Variants in GRIK1 observed in about 807,000 individuals in gnomAD.
GRIK1 encodes glutamate ionotropic receptor kainate type subunit 1, also known as glutamate receptor ionotropic, kainate 1.
Under a neutral mutation model 105.7 loss-of-function variants are expected in GRIK1, and 69 were observed. That is an observed-to-expected ratio of 0.65 (90% CI 0.54 to 0.80). The LOEUF is 0.80. Ranked by LOEUF, GRIK1 falls within the 30% of genes least tolerant of loss-of-function variation. GRIK1 has a pLI of 0.00. For synonymous variants in GRIK1, 438 were observed against 431.3 expected, an observed-to-expected ratio of 1.02 and a Z score of -0.19; for missense variants, 1,109 against 1,167.3, an observed-to-expected ratio of 0.95 and a Z score of 0.73.
intron 1 of GRIK1, among the ~76,000 whole-genome samples, chr21:29,823,167 A>T (rs1963953312): frequency 6.6e-6 from 1 of 152,050 alleles, no homozygotes; most frequent in Non-Finnish European, 1.5e-5. Flanking sequence ...TATTTACTCC[A>T]ATATTGGTAG....
intron 5 of GRIK1, 137 bp downstream of exon 5, chr21:29,654,673 A>T: frequency 1.6e-6 from 1 of 635,502 alleles, no homozygotes; most frequent in East Asian, 2.6e-5. Flanking sequence ...GCATTGCTGG[A>T]TTTAGAGGAT....
At chr21:29,542,109 T>C (rs368156373) in intron 16 of GRIK1, among the ~76,000 whole-genome samples, 1 of 152,114 alleles carries the variant, frequency 6.6e-6, no homozygotes, top group South Asian at 2.1e-4. Context: ...CTAGTAGAGA[T>C]TGAAATAGAA....
At chr21:29,604,280 C>G (rs2061572601) in intron 7 of GRIK1, among the ~76,000 whole-genome samples, 1 of 152,146 alleles carries the variant, frequency 6.6e-6, no homozygotes. Flanking sequence ...CCTTCTCTGC[C>G]TCAAATATCT....
intron 1 of GRIK1, among the ~76,000 whole-genome samples, chr21:29,777,800 C>T (rs902000786): frequency 1.3e-5 from 2 of 151,640 alleles, no homozygotes; most frequent in African/African-American, 2.4e-5. Flanking sequence ...GGTGACAGAA[C>T]GAACAGAAAG....
chr21:29,938,018 A>G (rs2071833383), intron 1 of GRIK1, among the ~76,000 whole-genome samples: 1 of 152,194 alleles, frequency 6.6e-6, no homozygotes, highest in Non-Finnish European at 1.5e-5. Flanking sequence ...GTGTAGTAAA[A>G]GTTAGTATTT....
intron 16 of GRIK1, among the ~76,000 whole-genome samples, chr21:29,545,657 A>G (rs1006066242): frequency 6.6e-6 from 1 of 151,552 alleles, no homozygotes; most frequent in African/African-American, 2.4e-5. Flanking sequence ...CATAGCTTTC[A>G]GGGCCCTACC....
At chr21:29,723,427 A>G (rs2064373620) in intron 1 of GRIK1, among the ~76,000 whole-genome samples, 1 of 152,222 alleles carries the variant, frequency 6.6e-6, no homozygotes, top group Non-Finnish European at 1.5e-5. Flanking sequence ...CTATTGAGCT[A>G]TATTTATCTT....
At chr21:29,843,006 T>C (rs1009415421) in intron 1 of GRIK1, among the ~76,000 whole-genome samples, 1 of 152,220 alleles carries the variant, frequency 6.6e-6, no homozygotes, top group African/African-American at 2.4e-5. Flanking sequence ...AATCCAATTA[T>C]TTGTTTACCT....
chr21:29,906,281 G>C (rs2070636902), intron 1 of GRIK1, among the ~76,000 whole-genome samples: 1 of 152,122 alleles, frequency 6.6e-6, no homozygotes, highest in African/African-American at 2.4e-5. Flanking sequence ...ATGGCTAAAA[G>C]AAACAGCTGA....
chr21:29,832,186 C>T (rs1011702628), intron 1 of GRIK1, among the ~76,000 whole-genome samples: 4 of 152,186 alleles, frequency 2.6e-5, no homozygotes, highest in Admixed American at 1.3e-4. Flanking sequence ...CATCTCCACC[C>T]CTATGGATCT....
chr21:29,651,609 A>G (rs562858598), intron 5 of GRIK1, among the ~76,000 whole-genome samples: 28 of 152,292 alleles, frequency 1.8e-4, no homozygotes, highest in African/African-American at 6.0e-4. Flanking sequence ...CCACCTGCTC[A>G]TCAGTCAGTT....
At chr21:29,770,610 T>C (rs113489700) in intron 1 of GRIK1, among the ~76,000 whole-genome samples, 6,465 of 152,312 alleles carry the variant, frequency 0.042, 194 homozygotes, top group Non-Finnish European at 0.066. Context: ...TTTTGATAAA[T>C]GTATTACTCA....
intron 1 of GRIK1, among the ~76,000 whole-genome samples, chr21:29,785,671 A>G (rs1439199129): frequency 1.3e-5 from 2 of 151,146 alleles, no homozygotes; most frequent in African/African-American, 4.9e-5. Context: ...CGTGTTCCTT[A>G]TGTGACAGCT....
At chr21:29,743,882 G>A (rs1273947096) in intron 1 of GRIK1, among the ~76,000 whole-genome samples, 2 of 151,932 alleles carry the variant, frequency 1.3e-5, no homozygotes, top group Non-Finnish European at 2.9e-5. Flanking sequence ...AAATTTAAAC[G>A]GTGTCATAAA....
chr21:29,781,827 C>T (rs1018302198), intron 1 of GRIK1, among the ~76,000 whole-genome samples: 8 of 147,440 alleles, frequency 5.4e-5, no homozygotes, highest in African/African-American at 7.4e-5. Flanking sequence ...CCCGCCACCG[C>T]GCCCGGCTAA....
At chr21:29,580,122 C>T (rs1018248261) in intron 13 of GRIK1, among the ~76,000 whole-genome samples, 8 of 141,014 alleles carry the variant, frequency 5.7e-5, no homozygotes, top group South Asian at 2.2e-4. Flanking sequence ...CATATATACA[C>T]ATATACACAC....
rs111535343 is a variant in GRIK1, at chr21:29,908,445, G to T, written c.118+30938C>A. 4.1e-3 allele frequency among the ~76,000 whole-genome samples: 626 copies of T among 152,166 alleles called. 2 individuals carry two copies. Among genetic ancestry groups the T allele is most frequent in the African/African-American group, 0.014 (600 of 41,502 alleles). On this transcript the variant is annotated intron_variant, in intron 1 of 17. Coordinates refer to ENST00000327783, the MANE Select transcript of GRIK1 (RefSeq NM_001330994.2). ...CCTGCTGGTGCTCTTCTTAGAGCTG[G>T]CCAAATCTTCAGCACGGTGGAAAGG... is the stretch of plus-strand genomic sequence containing the variant.
chr21:29,772,765 G>A (rs1309937040), intron 1 of GRIK1, among the ~76,000 whole-genome samples: 1 of 152,210 alleles, frequency 6.6e-6, no homozygotes, highest in Non-Finnish European at 1.5e-5. Flanking sequence ...GGCAGAAGCA[G>A]TTTGCAAAGT....
intron 1 of GRIK1, among the ~76,000 whole-genome samples, chr21:29,813,570 G>A (rs1253091171): frequency 6.6e-6 from 1 of 152,030 alleles, no homozygotes; most frequent in Admixed American, 6.6e-5. Flanking sequence ...GTATTGCTGA[G>A]TATTACAGAC....
Sources: gnomAD v4.1 joint callset for allele counts (sites outside exome capture counted in the v4.1 genomes callset) on GRCh38, gnomAD v4.1.1 for gene constraint, MANE v1.5 for transcripts, NCBI Gene and HGNC (gene_info 2026-07-23, HGNC 2026-07-21) for gene names.